SLC12A6: variants seen among roughly 807,000 people sequenced by gnomAD.
The protein encoded by SLC12A6 is K-Cl cotransporter 3.
A neutral mutation model predicts 135.3 loss-of-function variants in SLC12A6; 66 were observed. That is an observed-to-expected ratio of 0.49 (90% CI 0.40 to 0.60). The LOEUF (loss-of-function observed/expected upper bound fraction) is 0.60. Among genes scored for constraint, SLC12A6 ranks in the 20% least tolerant of loss-of-function variants. The pLI, the probability that SLC12A6 is intolerant of heterozygous loss-of-function variation, is 0.00. For missense variants in SLC12A6, 1,058 were observed against 1,452.3 expected (o/e 0.73, Z 4.41); for synonymous variants, 513 against 508.8 (o/e 1.01, Z -0.11).
At chr15:34,330,891 A>C (rs571019878) in intron 2 of SLC12A6, among the ~76,000 whole-genome samples, 2 of 152,094 alleles carry the variant, frequency 1.3e-5, no homozygotes, top group East Asian at 3.9e-4. Context: ...AAAATACAAA[A>C]ATTAGCTGGG....
At chr15:34,252,452 G>C in intron 9 of SLC12A6, 68 bp from the exon 10 acceptor site, 1 of 917,452 alleles carries the variant, frequency 1.1e-6, no homozygotes. Context: ...AAAGGAAACA[G>C]GTTAGTAAAG....
chr15:34,285,481 C>T (rs113511563), intron 2 of SLC12A6, among the ~76,000 whole-genome samples: 2,711 of 149,222 alleles, frequency 0.018, 91 homozygotes, highest in African/African-American at 0.063. Flanking sequence ...AGCTAGCAAT[C>T]GAATTAAAGG....
At chr15:34,246,019 G>A (rs1480955929) in intron 13 of SLC12A6, 152 bp from the exon 14 acceptor site, 9 of 710,924 alleles carry the variant, frequency 1.3e-5, no homozygotes, top group Admixed American at 6.1e-5. Context: ...TCCAAACTCC[G>A]CCCCCCAAGT....
Position 34,251,157 on chromosome 15 carries a change from C to T in SLC12A6, c.1334-100G>A, listed in dbSNP as rs192029440. The T allele has an allele frequency of 6.6e-5, 59 of 896,604 alleles. No individual in the cohort carries two copies. The African/African-American group carries it at 7.1e-4, about 11-fold the overall frequency. The allele number at this position is 896,604 out of a possible 1,614,324, so 55.5% of individuals were successfully genotyped here. A position where few individuals can be genotyped will look rare whatever the true frequency, so the allele number is the denominator to read the frequency against. On this transcript the variant is annotated intron_variant, in intron 10 of 25. Coordinates refer to ENST00000354181, the MANE Select transcript of SLC12A6 (RefSeq NM_001365088.1). ...TTCAAAATCAGGCTCCTCATTTATA[C>T]AGTTTCTAAAGGTGTGTTTGCTTCT...
At chr15:34,244,095 AATGATT>A in intron 15 of SLC12A6, 23 bp from the exon 16 acceptor site, 1 of 1,230,098 alleles carries the variant, frequency 8.1e-7, no homozygotes, top group Non-Finnish European at 1.2e-6. Context: ...GAGTAAGAGG[AATGATT>A]ATTACTGGAA....
At chr15:34,235,959 C>A in intron 24 of SLC12A6, 56 bp downstream of exon 24, 1 of 1,350,290 alleles carries the variant, frequency 7.4e-7, no homozygotes, top group East Asian at 2.3e-5. Flanking sequence ...GGCAAAGTCA[C>A]ATTTGTGCCA....
rs1329497099 is a variant in SLC12A6, at chr15:34,238,320, TG to T, written c.2713del (p.Gln905AsnfsTer26). 1 of 1,613,540 alleles carries T rather than the reference TG, an allele frequency of 6.2e-7. No individual in the cohort carries two copies. Among genetic ancestry groups the T allele is most frequent in the South Asian group, 1.1e-5 (1 of 91,068 alleles). ...NISFFPSNVEQFSEGNIDVWW... is the reference protein window; with the variant it reads ...NISFFPSNVEXFSEGNIDVWW... The stretch of plus-strand genomic sequence containing the variant: ...CACATCAATGTTGCCCTCAGAAAAT[TG>T]CTCCACATTGCTGGGAAAGAAGGAG... On this transcript the variant is annotated frameshift_variant, in exon 21 of 26. Transcript: ENST00000354181. LOFTEE classifies it high-confidence loss of function.
intron 2 of SLC12A6, among the ~76,000 whole-genome samples, chr15:34,305,533 G>C (rs1411861068): frequency 6.6e-6 from 1 of 151,492 alleles, no homozygotes; most frequent in Non-Finnish European, 1.5e-5. Flanking sequence ...CAGTGTTCTA[G>C]GTATTAGAGT....
intron 17 of SLC12A6, 124 bp downstream of exon 17, chr15:34,241,978 G>T: frequency 1.3e-6 from 1 of 759,566 alleles, no homozygotes; most frequent in Non-Finnish European, 2.4e-6. Flanking sequence ...AGAATTAGGG[G>T]TACAAAATAT....
intron 13 of SLC12A6, among the ~76,000 whole-genome samples, chr15:34,246,906 C>T (rs28682552): frequency 0.04 from 6,126 of 152,296 alleles, 416 homozygotes; most frequent in African/African-American, 0.14. Flanking sequence ...CCCTCTTGGC[C>T]TCCCAGTATG....
At chr15:34,287,461 A>T (rs1176629623) in intron 2 of SLC12A6, among the ~76,000 whole-genome samples, 1 of 152,188 alleles carries the variant, frequency 6.6e-6, no homozygotes, top group South Asian at 2.1e-4. Flanking sequence ...TCTTTATCGT[A>T]AAATGATTTA....
chr15:34,306,955 G>A (rs1896643793), intron 2 of SLC12A6, among the ~76,000 whole-genome samples: 2 of 152,112 alleles, frequency 1.3e-5, no homozygotes, highest in South Asian at 4.1e-4. Context: ...AAAATTCTAG[G>A]AAATGCAAAC....
At chr15:34,320,978 C>T (rs1285164324) in intron 2 of SLC12A6, among the ~76,000 whole-genome samples, 3 of 151,926 alleles carry the variant, frequency 2.0e-5, no homozygotes, top group African/African-American at 7.2e-5. Flanking sequence ...ATATATACCA[C>T]TTCTAAAAGA....
intron 3 of SLC12A6, among the ~76,000 whole-genome samples, chr15:34,273,927 G>A (rs373518750): frequency 9.9e-5 from 15 of 151,994 alleles, no homozygotes; most frequent in Middle Eastern, 3.4e-3. Flanking sequence ...CCATACTGGT[G>A]AGAGTTTAAG....
At chr15:34,295,577 T>A (rs1895824597) in intron 2 of SLC12A6, among the ~76,000 whole-genome samples, 1 of 152,232 alleles carries the variant, frequency 6.6e-6, no homozygotes, top group Non-Finnish European at 1.5e-5. Flanking sequence ...AGTAATGTGG[T>A]TGAATTCTTA....
intron 2 of SLC12A6, among the ~76,000 whole-genome samples, chr15:34,306,690 T>C (rs945726148): frequency 6.6e-6 from 1 of 152,220 alleles, no homozygotes; most frequent in Non-Finnish European, 1.5e-5. Flanking sequence ...GTTTACAGAC[T>C]AATCCTAAAA....
At chr15:34,320,335 T>C (rs1361661665) in intron 2 of SLC12A6, among the ~76,000 whole-genome samples, 2 of 152,160 alleles carry the variant, frequency 1.3e-5, no homozygotes, top group African/African-American at 4.8e-5. Context: ...ATCATGTCAT[T>C]TGCGGCAACA....
intron 3 of SLC12A6, among the ~76,000 whole-genome samples, chr15:34,269,296 T>C (rs752930576): frequency 4.0e-5 from 6 of 148,424 alleles, no homozygotes; most frequent in Non-Finnish European, 7.4e-5. Context: ...CTGTTTTTCA[T>C]GGCATATTTT....
chr15:34,327,362 TAAAA>T (rs1219229524), intron 2 of SLC12A6, among the ~76,000 whole-genome samples: 2 of 152,120 alleles, frequency 1.3e-5, no homozygotes. Context: ...AAAAGGCTGT[TAAAA>T]AAACAAACAA....
Sources: allele counts gnomAD v4.1 joint callset (sites outside exome capture counted in the v4.1 genomes callset), GRCh38; gene constraint gnomAD v4.1.1; transcripts MANE v1.5; gene names NCBI Gene and HGNC (gene_info 2026-07-23, HGNC 2026-07-21).